Variants in GRK7 observed in about 807,000 individuals in gnomAD.
GRK7 encodes G protein-coupled receptor kinase 7.
Under a neutral mutation model 34.1 loss-of-function variants are expected in GRK7, and 24 were observed. That is an observed-to-expected ratio of 0.70 (90% confidence interval 0.51 to 0.99). The LOEUF (loss-of-function observed/expected upper bound fraction) is 0.99, where lower values mean the gene tolerates loss of function less well. Ranked by LOEUF, GRK7 falls within the 50% of genes least tolerant of loss-of-function variation. The probability of loss-of-function intolerance (pLI) is 0.00; values close to 1 mark genes in which losing one functional copy is unlikely to be tolerated. For missense variants in GRK7, 644 were observed against 707.3 expected (o/e 0.91, Z 1.02); for synonymous variants, 256 against 279.4 (o/e 0.92, Z 0.84).
At position 141,778,114 on chromosome 3, in the gene GRK7, A is replaced by G; in HGVS notation, c.-113-58A>G. 1 of 763,294 alleles carries G rather than the reference A, an allele frequency of 1.3e-6. No individual in the cohort carries two copies. The allele number at this position is 763,294 out of a possible 1,614,324, so 47.3% of individuals were successfully genotyped here. On this transcript the variant is annotated intron_variant, in intron 2 of 5. Coordinates refer to ENST00000682958, the MANE Select transcript of GRK7 (RefSeq NM_139209.3). This position sits in a 1 kb window ranked among gnomAD's most constrained non-coding sequence, Gnocchi z 4.1. ...AGTTCCTGGCGGGCTATACATAGCC[A>G]GTCAAAGCTTCTTACAAGAGAAACC...
chr3:141,782,535 C>G (rs955526026), intron 4 of GRK7, among the ~76,000 whole-genome samples: 3 of 151,984 alleles, frequency 2.0e-5, no homozygotes, highest in African/African-American at 4.8e-5. Context: ...CTGGGATAGA[C>G]GTGGGGATTT....
intron 4 of GRK7, among the ~76,000 whole-genome samples, chr3:141,796,922 G>A (rs1710886531): frequency 6.6e-6 from 1 of 152,152 alleles, no homozygotes; most frequent in South Asian, 2.1e-4. Flanking sequence ...CCTGCTGTGC[G>A]CCAGGTTTTG....
chr3:141,754,293 C>T, the GRK7 span, among the ~76,000 whole-genome samples: 239 of 152,178 alleles, frequency 1.6e-3, no homozygotes, highest in African/African-American at 5.6e-3. Context: ...GCTCATTCTC[C>T]TGCCCTCTCT....
chr3:141,789,566 C>T (rs2084713203), intron 4 of GRK7, among the ~76,000 whole-genome samples: 1 of 151,128 alleles, frequency 6.6e-6, no homozygotes, highest in South Asian at 2.1e-4. Context: ...GAAGGTCTGT[C>T]CCACGTAAAT....
chr3:141,776,896 G>A (rs1210608564), intron 2 of GRK7, among the ~76,000 whole-genome samples: 1 of 152,146 alleles, frequency 6.6e-6, no homozygotes. Flanking sequence ...AAAAGCCTGA[G>A]TATCCTTTCC....
chr3:141,775,160 G>A lies in GRK7; in HGVS notation c.-114+480G>A, dbSNP rs180788615. 9.8e-3 allele frequency among the ~76,000 whole-genome samples: 1,499 copies of A among 152,258 alleles called. 22 individuals carry two copies. The highest frequency in any genetic ancestry group is 0.034 in the African/African-American group (1,415 of 41,550). Reference sequence around the variant, plus strand: ...TCACGCCTGTAATTTAGCACTTTGGGAGGCCAAGGAGGGCGGATCACTTGA... The same window carrying A: ...TCACGCCTGTAATTTAGCACTTTGGAAGGCCAAGGAGGGCGGATCACTTGA... On this transcript the variant is annotated intron_variant, in intron 2 of 5. Coordinates refer to ENST00000682958, the MANE Select transcript of GRK7 (RefSeq NM_139209.3).
At chr3:141,767,922 G>T (rs1173976442) in intron 1 of GRK7, among the ~76,000 whole-genome samples, 2 of 152,166 alleles carry the variant, frequency 1.3e-5, no homozygotes, top group African/African-American at 4.8e-5. Flanking sequence ...TCATGTACAG[G>T]AAGAGCTTAG....
At chr3:141,807,037 T>C (rs1711043720) in intron 4 of GRK7, among the ~76,000 whole-genome samples, 3 of 152,144 alleles carry the variant, frequency 2.0e-5, no homozygotes, top group African/African-American at 7.2e-5. Context: ...TACATAGTCA[T>C]GCATGTGAAA....
the GRK7 span, among the ~76,000 whole-genome samples, chr3:141,750,464 C>T: frequency 6.6e-6 from 1 of 152,142 alleles, no homozygotes; most frequent in East Asian, 1.9e-4. Context: ...CTTCTCTGTG[C>T]CTGTTTCCTC....
the GRK7 span, among the ~76,000 whole-genome samples, chr3:141,754,976 T>TA: frequency 1.3e-5 from 2 of 152,196 alleles, no homozygotes; most frequent in Non-Finnish European, 2.9e-5. Context: ...AGTCCTTAAA[T>TA]AAAAGTATAC....
chr3:141,757,051 C>T, the GRK7 span, among the ~76,000 whole-genome samples: 14 of 150,844 alleles, frequency 9.3e-5, no homozygotes, highest in African/African-American at 2.2e-4. Flanking sequence ...AATTATAAGA[C>T]GAAAATTTTA....
Position 141,780,809 on chromosome 3 carries a change from A to G in GRK7, c.1048A>G (p.Arg350Gly), listed in dbSNP as rs1235667692. The change falls in exon 4 of 6, where the codon AGG becomes GGG. Residue 350 changes from arginine to glycine, a missense_variant and splice_region_variant. Physicochemically the swap from Arg to Gly is moderately radical, Grantham distance 125. Coordinates refer to ENST00000682958, the MANE Select transcript of GRK7 (RefSeq NM_139209.3). ...EMKGGKPITQRAGTNGYMAPE... is the reference protein window; with the variant it reads ...EMKGGKPITQGAGTNGYMAPE... ...GAAGGGTGGCAAGCCCATCACCCAG[A>G]GGGTGAGTGACTCTCCACCTGCCCC... is the stretch of plus-strand genomic sequence containing the variant. 4.3e-6 allele frequency: 7 copies of G among 1,609,990 alleles called. No homozygotes were observed. The highest frequency in any genetic ancestry group is 5.1e-6 in the Non-Finnish European group (6 of 1,177,186).
At chr3:141,786,330 G>A (rs1331334857) in intron 4 of GRK7, among the ~76,000 whole-genome samples, 1 of 152,164 alleles carries the variant, frequency 6.6e-6, no homozygotes, top group Non-Finnish European at 1.5e-5. Context: ...TGGTATGGTA[G>A]ACAAAATTCT....
intron 4 of GRK7, among the ~76,000 whole-genome samples, chr3:141,796,284 A>G (rs909626908): frequency 6.6e-6 from 1 of 152,312 alleles, no homozygotes; most frequent in Admixed American, 6.5e-5. Flanking sequence ...AGCCCTGCAC[A>G]TGATCTTACA....
At chr3:141,792,441 A>G (rs964693977) in intron 4 of GRK7, among the ~76,000 whole-genome samples, 71 of 152,246 alleles carry the variant, frequency 4.7e-4, no homozygotes, top group African/African-American at 1.5e-3. Context: ...AATCATTCAA[A>G]TAAGTATTAA....
intron 4 of GRK7, 59 bp downstream of exon 4, chr3:141,780,870 G>A (rs1441547514): frequency 1.4e-6 from 2 of 1,458,556 alleles, no homozygotes; most frequent in African/African-American, 1.4e-5. Context: ...GAGGGGAGAG[G>A]GCTTTTCTAT....
intron 4 of GRK7, among the ~76,000 whole-genome samples, chr3:141,805,162 T>A (rs1711017787): frequency 6.6e-6 from 1 of 151,938 alleles, no homozygotes; most frequent in Non-Finnish European, 1.5e-5. Flanking sequence ...TGGGCCCCCC[T>A]GCGCGTGCTC....
chr3:141,818,599 T>C lies in GRK7; in HGVS notation c.*1549T>C, dbSNP rs1346477187. 6.6e-6 allele frequency: 1 copy of C among 152,216 alleles called. No individual in the cohort carries two copies. Among genetic ancestry groups the C allele is most frequent in the Middle Eastern group, 3.2e-3 (1 of 316 alleles). The allele number at this position is 152,216 out of a possible 1,614,324, so 9.4% of individuals were successfully genotyped here. A position where few individuals can be genotyped will look rare whatever the true frequency, so the allele number is the denominator to read the frequency against. ...CACTGTATGGTAGAATTAGCACTTC[T>C]CAAAAGCACAGCCAAGGTGAGAATT... On this transcript the variant is annotated 3_prime_UTR_variant, in exon 6 of 6. Transcript: ENST00000682958.
intron 1 of GRK7, among the ~76,000 whole-genome samples, 143 bp downstream of exon 1, chr3:141,765,881 G>A (rs764264980): frequency 6.6e-6 from 1 of 152,126 alleles, no homozygotes; most frequent in Admixed American, 6.5e-5. Context: ...TACTACTTAC[G>A]AATTCTCTTT....
Sources: gnomAD v4.1 joint callset for allele counts (sites outside exome capture counted in the v4.1 genomes callset) on GRCh38, gnomAD v4.1.1 for gene constraint, Gnocchi (gnomAD v3.1) non-coding constraint, MANE v1.5 for transcripts, NCBI Gene and HGNC (gene_info 2026-07-23, HGNC 2026-07-21) for gene names.